KCNG2: variants seen among roughly 807,000 people sequenced by gnomAD.
The protein encoded by KCNG2 is potassium voltage-gated channel modifier subfamily G member 2.
KCNG2 carries 7 observed loss-of-function variants against 12.3 expected under a neutral mutation model. The observed-to-expected ratio is 0.57, with a 90% CI of 0.32 to 1.07. The LOEUF is 1.07. KCNG2 is among the 50% of genes least tolerant of loss of function. KCNG2 has a pLI of 0.04. For synonymous variants in KCNG2, 414 were observed against 351.4 expected (o/e 1.18, Z -1.99); for missense variants, 703 against 726.0 (o/e 0.97, Z 0.36).
chr18:79,853,247 T>G (rs1978887572), intron 1 of KCNG2, among the ~76,000 whole-genome samples: 2 of 152,118 alleles, frequency 1.3e-5, no homozygotes, highest in African/African-American at 4.8e-5. Context: ...TTTAGTGCTT[T>G]AGGGGAGAAA....
chr18:79,851,800 ATGTGTGTGAATGTGCATGTGAATGGG>A (rs1978834178), intron 1 of KCNG2, among the ~76,000 whole-genome samples: 1 of 151,382 alleles, frequency 6.6e-6, no homozygotes, highest in Non-Finnish European at 1.5e-5. Context: ...CATTGTGTGA[ATGTGTGTGAATGTGCATGTGAATGGG>A]TGTGTGTGAA....
At chr18:79,841,994 T>C (rs958074464) in intron 1 of KCNG2, among the ~76,000 whole-genome samples, 1 of 152,004 alleles carries the variant, frequency 6.6e-6, no homozygotes, top group Non-Finnish European at 1.5e-5. Context: ...CAATACTAGG[T>C]CCCTCCCCCT....
In KCNG2 at chr18:79,800,282, G is replaced by A. The variant is rs2087398092; in HGVS notation, c.-115+2268G>A. On this transcript the variant is annotated intron_variant, in intron 1 of 3. Coordinates refer to ENST00000316249, the MANE Select transcript of KCNG2 (RefSeq NM_012283.2). This position sits in a 1 kb window ranked among gnomAD's most constrained non-coding sequence, Gnocchi z 4.0. ...GGCCACCTGTGTCTGAGTACTGCGC[G>A]CCTGTCCACGGATGGGTAATTTTGT... 6.6e-6 allele frequency among the ~76,000 whole-genome samples: 1 copy of A among 152,124 alleles called. No individual in the cohort carries two copies. The highest frequency in any genetic ancestry group is 2.4e-5 in the African/African-American group (1 of 41,420).
At chr18:79,872,444 C>A (rs1979886587) in intron 3 of KCNG2, among the ~76,000 whole-genome samples, 1 of 152,024 alleles carries the variant, frequency 6.6e-6, no homozygotes, top group Non-Finnish European at 1.5e-5. Flanking sequence ...CCACCACGCC[C>A]AGCTAATTTT....
At chr18:79,889,477 CTTTTG>C (rs3047780) in intron 3 of KCNG2, among the ~76,000 whole-genome samples, 50,939 of 151,746 alleles carry the variant, frequency 0.34, 10,537 homozygotes, top group Non-Finnish European at 0.47. Flanking sequence ...TTTTTTTGTT[CTTTTG>C]TTTTAGTTAT....
At chr18:79,879,996 G>C (rs1459411268) in intron 3 of KCNG2, among the ~76,000 whole-genome samples, 1 of 152,120 alleles carries the variant, frequency 6.6e-6, no homozygotes, top group African/African-American at 2.4e-5. Flanking sequence ...TGTAATTGTA[G>C]AGCACGACTT....
intron 2 of KCNG2, among the ~76,000 whole-genome samples, chr18:79,863,142 G>T (rs1476051539): frequency 6.6e-6 from 1 of 152,252 alleles, no homozygotes; most frequent in South Asian, 2.1e-4. Context: ...CCGCCTCACA[G>T]AATGCTGAGT....
At chr18:79,824,309 T>C (rs1024758950) in intron 1 of KCNG2, among the ~76,000 whole-genome samples, 19 of 152,384 alleles carry the variant, frequency 1.2e-4, no homozygotes, top group African/African-American at 4.1e-4. Context: ...TAAATGGACT[T>C]TTCCAATGAT....
intron 1 of KCNG2, among the ~76,000 whole-genome samples, chr18:79,810,722 C>A (rs1391837833): frequency 2.0e-5 from 3 of 152,152 alleles, no homozygotes; most frequent in African/African-American, 7.2e-5. Context: ...TACAATCACA[C>A]CATCACACTC....
chr18:79,888,849 T>G (rs915962951), intron 3 of KCNG2, among the ~76,000 whole-genome samples: 1 of 152,094 alleles, frequency 6.6e-6, no homozygotes, highest in Non-Finnish European at 1.5e-5. Flanking sequence ...TATTTTTTTT[T>G]TGTATTTTCA....
At chr18:79,877,513 C>T (rs1980122412) in intron 3 of KCNG2, among the ~76,000 whole-genome samples, 2 of 152,146 alleles carry the variant, frequency 1.3e-5, no homozygotes, top group African/African-American at 4.8e-5. Context: ...CATGCTGAGC[C>T]CTCCCTCGCC....
intron 3 of KCNG2, among the ~76,000 whole-genome samples, chr18:79,869,803 C>T (rs1979757472): frequency 1.3e-5 from 2 of 152,334 alleles, no homozygotes; most frequent in African/African-American, 4.8e-5. Flanking sequence ...CCCAAACACA[C>T]CCACTGCACC....
At chr18:79,896,111 G>A (rs908361736) in intron 3 of KCNG2, among the ~76,000 whole-genome samples, 8 of 152,198 alleles carry the variant, frequency 5.3e-5, no homozygotes, top group South Asian at 2.1e-4. Context: ...GATTATAGGC[G>A]CATGCCACCA....
chr18:79,832,304 T>C (rs1978300567), intron 1 of KCNG2, among the ~76,000 whole-genome samples: 2 of 142,838 alleles, frequency 1.4e-5, no homozygotes, highest in South Asian at 4.8e-4. Flanking sequence ...ATCCTCACTG[T>C]CCTTCCTCAG....
intron 3 of KCNG2, among the ~76,000 whole-genome samples, chr18:79,867,499 G>C (rs1377217994): frequency 1.3e-5 from 1 of 77,764 alleles, no homozygotes; most frequent in Non-Finnish European, 2.7e-5. Context: ...CTGGGGGGGG[G>C]ATCGTGAGCC....
intron 3 of KCNG2, among the ~76,000 whole-genome samples, chr18:79,898,077 G>A (rs113659903): frequency 1.1e-4 from 16 of 152,304 alleles, no homozygotes; most frequent in African/African-American, 3.1e-4. Flanking sequence ...TCTAGGCTAC[G>A]TGGTCAGCAC....
At chr18:79,893,912 G>A (rs961615508) in intron 3 of KCNG2, among the ~76,000 whole-genome samples, 3 of 148,334 alleles carry the variant, frequency 2.0e-5, no homozygotes, top group African/African-American at 7.5e-5. Flanking sequence ...TAATGTTAAC[G>A]ATTAATATAG....
chr18:79,872,481 C>T (rs964296231), intron 3 of KCNG2, among the ~76,000 whole-genome samples: 3 of 152,080 alleles, frequency 2.0e-5, no homozygotes, highest in African/African-American at 7.2e-5. Flanking sequence ...AGACGGGTTT[C>T]ACCATGTTGG....
intron 1 of KCNG2, among the ~76,000 whole-genome samples, chr18:79,846,048 G>A (rs779001394): frequency 1.8e-4 from 27 of 147,578 alleles, no homozygotes; most frequent in Middle Eastern, 3.7e-3. Flanking sequence ...CTGAGATGGC[G>A]CCACTGCACT....
Sources: gnomAD v4.1 joint callset for allele counts (sites outside exome capture counted in the v4.1 genomes callset) on GRCh38, gnomAD v4.1.1 for gene constraint, Gnocchi (gnomAD v3.1) non-coding constraint, MANE v1.5 for transcripts, NCBI Gene and HGNC (gene_info 2026-07-23, HGNC 2026-07-21) for gene names.